Variants in LRRIQ1 observed in about 807,000 individuals in gnomAD.
LRRIQ1 encodes leucine-rich repeat- and IQ domain-containing protein 1.
Under a neutral mutation model 211.9 loss-of-function variants are expected in LRRIQ1, and 210 were observed. That is an observed-to-expected ratio of 0.99 (90% CI 0.89 to 1.11). LRRIQ1 has a LOEUF of 1.11. Ranked by LOEUF, LRRIQ1 falls within the 50% of genes most tolerant of loss-of-function variation. The pLI is 0.00. For synonymous variants in LRRIQ1, 699 were observed against 650.1 expected (o/e 1.08, Z -1.14); for missense variants, 2,136 against 1,939.5 (o/e 1.10, Z -1.90).
intron 26 of LRRIQ1, among the ~76,000 whole-genome samples, chr12:85,244,048 C>G (rs963080565): frequency 2.7e-4 from 41 of 151,574 alleles, no homozygotes; most frequent in African/African-American, 9.9e-4. Flanking sequence ...GCATTTCCCC[C>G]TATTTCAGAA....
At chr12:85,129,998 T>A (rs951702845) in intron 18 of LRRIQ1, among the ~76,000 whole-genome samples, 1 of 152,100 alleles carries the variant, frequency 6.6e-6, no homozygotes, top group South Asian at 2.1e-4. Context: ...AGTAAATACA[T>A]GAGAGATAGG....
chr12:85,069,480 G>A (rs1019545878), intron 10 of LRRIQ1, among the ~76,000 whole-genome samples: 1 of 151,938 alleles, frequency 6.6e-6, no homozygotes, highest in Non-Finnish European at 1.5e-5. Context: ...TGGGTCAAAC[G>A]GTATTTCTAG....
chr12:85,195,054 A>C lies in LRRIQ1; in HGVS notation c.4822+34340A>C, dbSNP rs558607934. Among the ~76,000 whole-genome samples, 5 of 152,332 alleles carry C rather than the reference A, an allele frequency of 3.3e-5. No homozygotes were observed. In the South Asian group the frequency reaches 8.3e-4, roughly 25 times the overall value. The stretch of plus-strand genomic sequence containing the variant: ...AGAATACTACAAACACCTCTATGCA[A>C]ATAAACTAGAAAATCTAGAAGAAAT... On this transcript the variant is annotated intron_variant, in intron 24 of 26. Coordinates refer to ENST00000393217, the MANE Select transcript of LRRIQ1 (RefSeq NM_001079910.2).
In LRRIQ1 at chr12:85,121,722, G is replaced by A. The variant is rs147080103; in HGVS notation, c.3403G>A (p.Ala1135Thr). Residue 1135 changes from alanine to threonine, a missense_variant, in exon 16 of 27, where the codon GCT becomes ACT. Coordinates refer to ENST00000393217, the MANE Select transcript of LRRIQ1 (RefSeq NM_001079910.2). ...WRDSLLKVLP[A>T]LRILNGNILN... ...GGATTCTCTACTTAAAGTGTTGCCT[G>A]CTCTGAGAATCCTCAATGGCAATAT... is the stretch of plus-strand genomic sequence containing the variant. The A allele has an allele frequency of 4.3e-4, 682 of 1,592,792 alleles. No individual in the cohort carries two copies. The highest frequency in any genetic ancestry group is 5.4e-4 in the Non-Finnish European group (631 of 1,170,858).
intron 14 of LRRIQ1, 137 bp from the exon 15 acceptor site, chr12:85,106,385 A>T: frequency 1.7e-6 from 1 of 605,834 alleles, no homozygotes; most frequent in Non-Finnish European, 2.9e-6. Context: ...TTCTTTAAAA[A>T]GCATATAGCA....
chr12:85,040,961 G>T (rs1412733511), intron 3 of LRRIQ1, among the ~76,000 whole-genome samples: 6 of 151,408 alleles, frequency 4.0e-5, no homozygotes, highest in Admixed American at 2.6e-4. Context: ...TATTTGAAAA[G>T]CCCAACAGTA....
rs530018562 is a variant in LRRIQ1, at chr12:85,088,631, G to A, written c.2888-9724G>A. Among the ~76,000 whole-genome samples the A allele has an allele frequency of 2.3e-3, 352 of 152,250 alleles. 2 individuals are homozygous for A. The highest frequency in any genetic ancestry group is 4.5e-3 in the Non-Finnish European group (304 of 68,016). On this transcript the variant is annotated intron_variant, in intron 11 of 26. Transcript: ENST00000393217. ...TCCTCTTTTATTTCGTTGAGTAGTG[G>A]TTTGTAGTTCGCCTTGAAGAGGTCC...
intron 11 of LRRIQ1, among the ~76,000 whole-genome samples, chr12:85,079,073 G>A (rs978219671): frequency 5.9e-5 from 9 of 151,836 alleles, no homozygotes; most frequent in Non-Finnish European, 1.0e-4. Flanking sequence ...TGTAGCCTCT[G>A]GAAAACTCCA....
At chr12:85,269,870 A>T in the LRRIQ1 span, among the ~76,000 whole-genome samples, 1 of 152,046 alleles carries the variant, frequency 6.6e-6, no homozygotes, top group Non-Finnish European at 1.5e-5. Context: ...TTTATTTTTC[A>T]CAGTTCTGGA....
chr12:85,043,552 A>G (rs1017410792), intron 3 of LRRIQ1, among the ~76,000 whole-genome samples: 2 of 151,982 alleles, frequency 1.3e-5, no homozygotes, highest in African/African-American at 4.8e-5. Context: ...CCACATCCTG[A>G]TGGTCACGCA....
intron 18 of LRRIQ1, among the ~76,000 whole-genome samples, chr12:85,137,505 T>G (rs1787840175): frequency 6.6e-6 from 1 of 151,690 alleles, no homozygotes; most frequent in Non-Finnish European, 1.5e-5. Flanking sequence ...CATTTGAACA[T>G]TAGCAAAATG....
chr12:85,142,029 C>A (rs1465631505), intron 19 of LRRIQ1, among the ~76,000 whole-genome samples: 2 of 150,934 alleles, frequency 1.3e-5, no homozygotes, highest in East Asian at 2.0e-4. Flanking sequence ...AAATTTATTT[C>A]TTTTTTCAAT....
At chr12:85,089,569 T>G (rs889923441) in intron 11 of LRRIQ1, among the ~76,000 whole-genome samples, 1 of 152,070 alleles carries the variant, frequency 6.6e-6, no homozygotes, top group Non-Finnish European at 1.5e-5. Flanking sequence ...TAGCAAAGAG[T>G]GAGGCTGCAT....
intron 8 of LRRIQ1, among the ~76,000 whole-genome samples, chr12:85,058,353 T>G (rs1055544123): frequency 6.6e-6 from 1 of 152,014 alleles, no homozygotes; most frequent in Admixed American, 6.6e-5. Flanking sequence ...CTTGCGCATG[T>G]TATCTCTGGA....
chr12:85,200,204 T>C (rs1893222349), intron 24 of LRRIQ1, among the ~76,000 whole-genome samples: 1 of 152,188 alleles, frequency 6.6e-6, no homozygotes, highest in African/African-American at 2.4e-5. Context: ...GCTGTATCTC[T>C]AGGTATTTTA....
At chr12:85,084,454 TTAAG>T (rs1884609243) in intron 11 of LRRIQ1, among the ~76,000 whole-genome samples, 1 of 152,136 alleles carries the variant, frequency 6.6e-6, no homozygotes, top group African/African-American at 2.4e-5. Context: ...AAGTGGATAA[TTAAG>T]TAACTTTTAA....
At chr12:85,176,298 C>A (rs1891694985) in intron 24 of LRRIQ1, among the ~76,000 whole-genome samples, 1 of 152,014 alleles carries the variant, frequency 6.6e-6, no homozygotes, top group African/African-American at 2.4e-5. Flanking sequence ...CATGATTTGG[C>A]TCTCTGTTTG....
chr12:85,192,595 TTGTG>T (rs1565894187), intron 24 of LRRIQ1, among the ~76,000 whole-genome samples: 1,367 of 110,902 alleles, frequency 0.012, 217 homozygotes, highest in African/African-American at 0.017. Context: ...TATACTATAA[TTGTG>T]TATATATAGT....
chr12:85,043,044 T>A (rs1200412495), intron 3 of LRRIQ1, among the ~76,000 whole-genome samples: 1 of 152,078 alleles, frequency 6.6e-6, no homozygotes, highest in Non-Finnish European at 1.5e-5. Flanking sequence ...GTGTTATGAA[T>A]ATAGATGTAT....
Sources: gnomAD v4.1 joint callset for allele counts (sites outside exome capture counted in the v4.1 genomes callset) on GRCh38, gnomAD v4.1.1 for gene constraint, MANE v1.5 for transcripts, NCBI Gene and HGNC (gene_info 2026-07-23, HGNC 2026-07-21) for gene names.